The following PHLDB2 variants were observed in gnomAD, a reference collection of about 807,000 sequenced individuals.
PHLDB2 encodes pleckstrin homology like domain family B member 2.
In PHLDB2, 71 loss-of-function variants were observed where a neutral mutation model predicts 123.6. That is an observed-to-expected ratio of 0.57 (90% CI 0.47 to 0.70). PHLDB2 has a LOEUF of 0.70. PHLDB2 is among the 30% of genes least tolerant of loss of function. PHLDB2 has a pLI of 0.00. For synonymous variants in PHLDB2, 547 were observed against 541.6 expected (o/e 1.01, Z -0.14); for missense variants, 1,446 against 1,519.5 (o/e 0.95, Z 0.80).
At chr3:111,784,148 A>G (rs2060591418) in intron 1 of PHLDB2, among the ~76,000 whole-genome samples, 2 of 152,204 alleles carry the variant, frequency 1.3e-5, no homozygotes, top group Non-Finnish European at 1.5e-5. Context: ...GAAATATTCT[A>G]ACAGGCAATA....
At chr3:111,936,218 AT>A (rs1431417522) in intron 6 of PHLDB2, among the ~76,000 whole-genome samples, 1 of 152,140 alleles carries the variant, frequency 6.6e-6, no homozygotes, top group Non-Finnish European at 1.5e-5. Context: ...ATTGCACAGA[AT>A]TTCCTTTAGT....
At chr3:111,929,297 A>G (rs1027647111) in intron 5 of PHLDB2, among the ~76,000 whole-genome samples, 2 of 152,112 alleles carry the variant, frequency 1.3e-5, no homozygotes, top group African/African-American at 4.8e-5. Context: ...TTTTTCCTGA[A>G]AGTACATTTA....
intron 13 of PHLDB2, among the ~76,000 whole-genome samples, chr3:111,963,225 C>G (rs2071530613): frequency 6.6e-6 from 1 of 152,158 alleles, no homozygotes; most frequent in Non-Finnish European, 1.5e-5. Context: ...CAGCCCAACT[C>G]CCGTTCATTC....
chr3:111,756,676 T>G (rs2059895966), intron 1 of PHLDB2, among the ~76,000 whole-genome samples: 3 of 152,198 alleles, frequency 2.0e-5, no homozygotes, highest in Admixed American at 2.0e-4. Flanking sequence ...TATGTGTGAA[T>G]TTGATCCTGT....
At chr3:111,855,189 C>T (rs187229763), upstream of PHLDB2, among the ~76,000 whole-genome samples, 6 of 152,212 alleles carry the variant, frequency 3.9e-5, no homozygotes, top group East Asian at 1.2e-3. Context: ...GGTTCCCCAC[C>T]TGAGAGGGTG....
At chr3:111,873,471 A>G (rs1413958453) in intron 1 of PHLDB2, among the ~76,000 whole-genome samples, 1 of 152,202 alleles carries the variant, frequency 6.6e-6, no homozygotes, top group African/African-American at 2.4e-5. Flanking sequence ...GTATTTTATC[A>G]TCTAAAAAAT....
intron 1 of PHLDB2, among the ~76,000 whole-genome samples, chr3:111,770,873 C>A (rs1381690996): frequency 1.3e-5 from 2 of 152,216 alleles, no homozygotes; most frequent in Non-Finnish European, 2.9e-5. Flanking sequence ...ATCTGACCAC[C>A]TGCAGAGAAG....
intron 1 of PHLDB2, among the ~76,000 whole-genome samples, chr3:111,822,289 TTATG>T (rs1297766843): frequency 2.0e-5 from 2 of 100,454 alleles, no homozygotes; most frequent in South Asian, 7.0e-4. Flanking sequence ...CTCTCTATCT[TTATG>T]TATGTGTGTG....
intron 1 of PHLDB2, among the ~76,000 whole-genome samples, chr3:111,746,201 T>C (rs56215064): frequency 0.19 from 28,651 of 152,100 alleles, 2,849 homozygotes; most frequent in African/African-American, 0.21. Flanking sequence ...TCAAGAAACT[T>C]TCACTCTTCC....
At chr3:111,758,463 C>T (rs2059938859) in intron 1 of PHLDB2, among the ~76,000 whole-genome samples, 1 of 152,178 alleles carries the variant, frequency 6.6e-6, no homozygotes, top group East Asian at 1.9e-4. Context: ...CGGAAAAGCG[C>T]AGTATTAGGG....
At chr3:111,772,677 A>T (rs569527292) in intron 1 of PHLDB2, among the ~76,000 whole-genome samples, 1 of 152,330 alleles carries the variant, frequency 6.6e-6, no homozygotes, top group Admixed American at 6.5e-5. Flanking sequence ...TTCTTGGTTC[A>T]AATTCACAAG....
intron 1 of PHLDB2, among the ~76,000 whole-genome samples, chr3:111,872,775 G>A (rs1369922965): frequency 6.6e-6 from 1 of 152,144 alleles, no homozygotes; most frequent in Non-Finnish European, 1.5e-5. Context: ...CACTCATGGG[G>A]TCAGAAAAGT....
At chr3:111,758,221 G>C (rs2059931503) in intron 1 of PHLDB2, among the ~76,000 whole-genome samples, 1 of 152,168 alleles carries the variant, frequency 6.6e-6, no homozygotes. Flanking sequence ...AGCCTATAGA[G>C]GCAGGCAGGC....
chr3:111,835,177 A>G (rs570524555), intron 1 of PHLDB2, among the ~76,000 whole-genome samples: 11 of 152,222 alleles, frequency 7.2e-5, no homozygotes, highest in African/African-American at 2.6e-4. Flanking sequence ...GAGTTTAATG[A>G]TATTTTTATT....
At chr3:111,891,160 G>A (rs187313031) in intron 2 of PHLDB2, among the ~76,000 whole-genome samples, 2 of 152,262 alleles carry the variant, frequency 1.3e-5, no homozygotes, top group Admixed American at 1.3e-4. Context: ...CTGGGATGCT[G>A]ATTCTTTGAC....
intron 1 of PHLDB2, among the ~76,000 whole-genome samples, chr3:111,843,500 C>T (rs912645858): frequency 5.3e-5 from 8 of 152,226 alleles, no homozygotes; most frequent in Admixed American, 5.2e-4. Flanking sequence ...AAGCCATCCT[C>T]CTGCCTCAAC....
intron 1 of PHLDB2, among the ~76,000 whole-genome samples, chr3:111,743,564 A>G (rs2059638138): frequency 6.6e-6 from 1 of 152,236 alleles, no homozygotes; most frequent in Admixed American, 6.5e-5. Flanking sequence ...TGATGTCAGC[A>G]GCTGGCACCA....
At chr3:111,949,807 G>A (rs2070590952) in intron 10 of PHLDB2, 1 of 985,844 alleles carries the variant, frequency 1.0e-6, no homozygotes, top group Non-Finnish European at 1.2e-6. Flanking sequence ...GGCTACATCT[G>A]TCGATCCTTT....
chr3:111,877,335 T>C (rs2065684710), intron 1 of PHLDB2, among the ~76,000 whole-genome samples: 1 of 152,278 alleles, frequency 6.6e-6, no homozygotes, highest in Non-Finnish European at 1.5e-5. Context: ...GATGAGCTTT[T>C]TTTTCATATG....
Sources: allele counts gnomAD v4.1 joint callset (sites outside exome capture counted in the v4.1 genomes callset), GRCh38; gene constraint gnomAD v4.1.1; transcripts MANE v1.5; gene names NCBI Gene and HGNC (gene_info 2026-07-23, HGNC 2026-07-21).